The following RSPH10B2 variants were observed in gnomAD, a reference collection of about 807,000 sequenced individuals.
RSPH10B2 encodes the protein radial spoke head 10 homolog B2 (Chlamydomonas).
A neutral mutation model predicts 49.0 loss-of-function variants in RSPH10B2; 9 were observed. The ratio of observed to expected loss-of-function variants is 0.18; its 90% CI spans 0.11 to 0.32. The LOEUF is 0.32. Ranked by LOEUF, RSPH10B2 falls within the 10% of genes least tolerant of loss-of-function variation. The pLI is 1.00. For missense variants in RSPH10B2, 95 were observed against 589.9 expected, an observed-to-expected ratio of 0.16 and a Z score of 8.69; for synonymous variants, 35 against 210.2, an observed-to-expected ratio of 0.17 and a Z score of 7.21.
intron 17 of RSPH10B2, among the ~76,000 whole-genome samples, chr7:6,795,423 C>G (rs1205871482): frequency 5.4e-5 from 2 of 36,994 alleles, no homozygotes; most frequent in Non-Finnish European, 1.2e-4. Context: ...CACAGCTATC[C>G]TTGTCTCTAA....
At chr7:6,782,560 CTT>C (rs1418135357) in intron 13 of RSPH10B2, among the ~76,000 whole-genome samples, 26 of 122,170 alleles carry the variant, frequency 2.1e-4, no homozygotes, top group African/African-American at 8.1e-4. Context: ...ACACCTTAGT[CTT>C]TTTGATGGAC....
chr7:6,793,063 A>ATTTT (rs778318872), intron 17 of RSPH10B2, among the ~76,000 whole-genome samples: 1 of 64,830 alleles, frequency 1.5e-5, no homozygotes, highest in Non-Finnish European at 2.8e-5. Context: ...GCCCCTGGGC[A>ATTTT]TTTTTTTTTT....
chr7:6,768,399 G>A (rs867422791), intron 6 of RSPH10B2, among the ~76,000 whole-genome samples, 191 bp from the exon 9 acceptor site: 1,321 of 150,232 alleles, frequency 8.8e-3, no homozygotes, highest in African/African-American at 0.03. Flanking sequence ...GAGGGCTTAA[G>A]TGATCTGCCT....
At chr7:6,797,078 A>C (rs1347524007) in intron 18 of RSPH10B2, 1 of 334,094 alleles carries the variant, frequency 3.0e-6, no homozygotes, top group Non-Finnish European at 5.3e-6. Context: ...GTATGATCTC[A>C]GCTCACTGCA....
At chr7:6,794,381 T>C (rs1189438897) in intron 17 of RSPH10B2, 1 of 150,618 alleles carries the variant, frequency 6.6e-6, no homozygotes, top group Non-Finnish European at 1.5e-5. Context: ...CTTGAAATAC[T>C]CTTCACAGAG....
chr7:6,776,816 G>A (rs1223858022), intron 10 of RSPH10B2, among the ~76,000 whole-genome samples: 1 of 100,400 alleles, frequency 1.0e-5, no homozygotes, highest in Admixed American at 1.1e-4. Flanking sequence ...GGCGGAGGTT[G>A]CAGTGAGCCA....
exon 2 of RSPH10B2, chr7:6,759,135 C>T: frequency 3.0e-6 from 1 of 332,182 alleles, no homozygotes; most frequent in Non-Finnish European, 4.3e-6. Flanking sequence ...GCTTCGCAGC[C>T]TTTCAAGGCG....
chr7:6,768,416 A>G (rs1781535253), intron 6 of RSPH10B2, among the ~76,000 whole-genome samples, 174 bp from the exon 9 acceptor site: 1 of 150,468 alleles, frequency 6.6e-6, no homozygotes, highest in South Asian at 2.1e-4. Context: ...GCCTTATTTC[A>G]AAAGACTCCT....
rs1782218831 is a variant in RSPH10B2, at chr7:6,787,148, G to A, written c.2010+127G>A. The A allele has an allele frequency of 7.5e-6, 7 of 936,506 alleles. 1 individual carries two copies. The South Asian group carries it at 1.0e-4, about 14-fold the overall frequency. 58.0% of individuals were successfully genotyped at this position (936,506 alleles called of 1,614,324 possible). Reference sequence around the variant, plus strand: ...AGGCGGACGGATCACGAGGTCAGAAGATCGAGACCATCCTGGCTAACGTGG... The same window carrying A: ...AGGCGGACGGATCACGAGGTCAGAAAATCGAGACCATCCTGGCTAACGTGG... On this transcript the variant is annotated intron_variant, in intron 15 of 18. Transcript: ENST00000297186.
At chr7:6,756,086 G>A (rs1293746939), upstream of RSPH10B2, among the ~76,000 whole-genome samples, 5 of 150,594 alleles carry the variant, frequency 3.3e-5, no homozygotes, top group Non-Finnish European at 7.4e-5. Flanking sequence ...GGCTAACCCG[G>A]TGAAACCCCG....
At chr7:6,764,268 G>T (rs1447720525) in intron 4 of RSPH10B2, among the ~76,000 whole-genome samples, 167 bp downstream of exon 6, 1 of 142,844 alleles carries the variant, frequency 7.0e-6, no homozygotes, top group Non-Finnish European at 1.5e-5. Context: ...CACATGGAGG[G>T]AGAGAAGGGG....
At chr7:6,756,044 A>G (rs879801555), upstream of RSPH10B2, among the ~76,000 whole-genome samples, 509 of 150,122 alleles carry the variant, frequency 3.4e-3, no homozygotes, top group East Asian at 5.4e-3. Context: ...CAAGGCGGGC[A>G]GATCACGAGG....
intron 10 of RSPH10B2, among the ~76,000 whole-genome samples, chr7:6,776,864 G>A (rs962690064): frequency 5.1e-5 from 5 of 98,538 alleles, no homozygotes; most frequent in African/African-American, 1.9e-4. Flanking sequence ...GTGACAGGGC[G>A]AGACTCCATC....
chr7:6,786,415 T>C (rs1782181578), intron 14 of RSPH10B2, among the ~76,000 whole-genome samples: 1 of 118,952 alleles, frequency 8.4e-6, no homozygotes. Flanking sequence ...AGGATGGTCT[T>C]GATCTCCTGA....
intron 18 of RSPH10B2, among the ~76,000 whole-genome samples, chr7:6,797,965 C>CT (rs1782674494): frequency 1.1e-5 from 1 of 94,616 alleles, no homozygotes; most frequent in Non-Finnish European, 2.0e-5. Context: ...CTGGTGAAAC[C>CT]CATCTCTACT....
At chr7:6,781,277 T>G in intron 12 of RSPH10B2, 51 bp from the exon 15 acceptor site, 1 of 1,307,198 alleles carries the variant, frequency 7.6e-7, no homozygotes, top group Non-Finnish European at 1.0e-6. Flanking sequence ...ACTGCTATTT[T>G]TTTTCTCAAA....
chr7:6,782,970 T>C (rs1781998897), intron 13 of RSPH10B2, among the ~76,000 whole-genome samples: 1 of 129,574 alleles, frequency 7.7e-6, no homozygotes, highest in Non-Finnish European at 1.6e-5. Context: ...AGTTATTACT[T>C]GGGAAAATAG....
At chr7:6,797,600 C>T (rs1782641137) in intron 18 of RSPH10B2, among the ~76,000 whole-genome samples, 1 of 152,290 alleles carries the variant, frequency 6.6e-6, no homozygotes, top group Admixed American at 6.5e-5. Flanking sequence ...ATGGCACATG[C>T]CGGTAACCCC....
chr7:6,766,923 C>T lies in RSPH10B2; in HGVS notation c.780+46C>T, dbSNP rs555372903. 1.2e-4 allele frequency: 123 copies of T among 1,005,792 alleles called. 2 individuals are homozygous for T. In the East Asian group the frequency reaches 2.3e-3, roughly 19 times the overall value. The allele number at this position is 1,005,792 out of a possible 1,614,324, so 62.3% of individuals were successfully genotyped here. On this transcript the variant is annotated intron_variant, in intron 6 of 18. Transcript: ENST00000297186. ...AGCTTATACCCAGAGGCGGATGCTC[C>T]GCCGATTCTCAACACATGTATATTT...
Sources: gnomAD v4.1 joint callset for allele counts (sites outside exome capture counted in the v4.1 genomes callset) on GRCh38, gnomAD v4.1.1 for gene constraint, MANE v1.5 for transcripts, NCBI Gene and HGNC (gene_info 2026-07-23, HGNC 2026-07-21) for gene names.